The following EBF1 variants were observed in gnomAD, a reference collection of about 807,000 sequenced individuals.
EBF1 encodes EBF transcription factor 1, also known as transcription factor COE1.
EBF1 carries 10 observed loss-of-function variants against 68.4 expected under a neutral mutation model. That is an observed-to-expected ratio of 0.15 (90% CI 0.09 to 0.25). The LOEUF is 0.25. Ranked by LOEUF, EBF1 falls within the 10% of genes least tolerant of loss-of-function variation. The probability of loss-of-function intolerance (pLI) is 1.00; values close to 1 mark genes in which losing one functional copy is unlikely to be tolerated. For synonymous variants in EBF1, 298 were observed against 299.8 expected (o/e 0.99, Z 0.06); for missense variants, 509 against 794.4 (o/e 0.64, Z 4.32).
chr5:158,861,835 T>C (rs1562147100), intron 6 of EBF1, among the ~76,000 whole-genome samples: 1 of 146,020 alleles, frequency 6.8e-6, no homozygotes, highest in South Asian at 2.2e-4. Flanking sequence ...TAAAGGTTGA[T>C]TTATTGTAAA....
chr5:158,832,418 C>G (rs144451846), intron 7 of EBF1, among the ~76,000 whole-genome samples: 1 of 152,270 alleles, frequency 6.6e-6, no homozygotes, highest in African/African-American at 2.4e-5. Flanking sequence ...TGACTTAATC[C>G]TGTATTCTGA....
At chr5:159,054,163 G>A (rs1774320783) in intron 6 of EBF1, among the ~76,000 whole-genome samples, 1 of 152,132 alleles carries the variant, frequency 6.6e-6, no homozygotes, top group Non-Finnish European at 1.5e-5. Context: ...TAGAATTAAT[G>A]TTCTATACAT....
At chr5:159,043,327 C>G (rs1315197614) in intron 6 of EBF1, among the ~76,000 whole-genome samples, 1 of 152,156 alleles carries the variant, frequency 6.6e-6, no homozygotes, top group African/African-American at 2.4e-5. Context: ...TTTCCAGAAC[C>G]CTCAATAAGC....
intron 6 of EBF1, among the ~76,000 whole-genome samples, chr5:159,067,013 A>T (rs948486756): frequency 2.6e-5 from 4 of 152,184 alleles, no homozygotes; most frequent in Admixed American, 2.6e-4. Flanking sequence ...CCAAAATACC[A>T]TCTCTTTACG....
chr5:159,099,265 TGCCGC>T, intron 1 of EBF1, 75 bp downstream of exon 1: 1 of 15,930 alleles, frequency 6.3e-5, no homozygotes, highest in Non-Finnish European at 7.6e-5. Context: ...CGGCAGCAGC[TGCCGC>T]TGCCGCTGCC....
chr5:158,879,644 A>G (rs1207454003), intron 6 of EBF1, among the ~76,000 whole-genome samples: 1 of 152,206 alleles, frequency 6.6e-6, no homozygotes, highest in Non-Finnish European at 1.5e-5. Context: ...GCACACCAAC[A>G]TGGCACATGT....
intron 6 of EBF1, among the ~76,000 whole-genome samples, chr5:159,054,399 T>C (rs1477906194): frequency 6.6e-6 from 1 of 152,204 alleles, no homozygotes; most frequent in African/African-American, 2.4e-5. Context: ...GGTTGGATAA[T>C]TTAAAATTTA....
intron 8 of EBF1, among the ~76,000 whole-genome samples, chr5:158,809,460 A>G (rs1782193634): frequency 6.6e-6 from 1 of 152,192 alleles, no homozygotes; most frequent in African/African-American, 2.4e-5. Context: ...CCAAAGTCCC[A>G]TAAAATCTTA....
intron 7 of EBF1, among the ~76,000 whole-genome samples, chr5:158,835,527 G>T (rs191885344): frequency 3.3e-5 from 5 of 152,206 alleles, no homozygotes; most frequent in Admixed American, 3.3e-4. Context: ...GGCACCTTTA[G>T]GCTCTGCTAG....
At chr5:159,066,711 G>A (rs1200376000) in intron 6 of EBF1, among the ~76,000 whole-genome samples, 1 of 151,844 alleles carries the variant, frequency 6.6e-6, no homozygotes, top group Non-Finnish European at 1.5e-5. Flanking sequence ...AATAAGTACT[G>A]TAACGTTAAA....
At chr5:158,701,500 T>A (rs1417536035) in intron 15 of EBF1, among the ~76,000 whole-genome samples, 1 of 152,178 alleles carries the variant, frequency 6.6e-6, no homozygotes, top group African/African-American at 2.4e-5. Flanking sequence ...TTAACAGCGC[T>A]TTTTATTTTG....
intron 6 of EBF1, among the ~76,000 whole-genome samples, chr5:159,003,326 T>C (rs954343390): frequency 2.0e-5 from 3 of 152,214 alleles, no homozygotes; most frequent in African/African-American, 7.2e-5. Context: ...GGGCATTCTG[T>C]TCCTGTACAG....
At chr5:158,973,289 A>T (rs564959330) in intron 6 of EBF1, among the ~76,000 whole-genome samples, 5 of 152,130 alleles carry the variant, frequency 3.3e-5, no homozygotes, top group African/African-American at 1.2e-4. Context: ...CACCCTCTTG[A>T]TGCACCTTTT....
At chr5:158,894,394 G>GTAAA (rs368910700) in intron 6 of EBF1, among the ~76,000 whole-genome samples, 49,631 of 151,920 alleles carry the variant, frequency 0.33, 8,720 homozygotes, top group South Asian at 0.57. Context: ...AAAATAGAAG[G>GTAAA]CAGATAAATA....
chr5:158,753,803 T>A (rs1043371284), intron 10 of EBF1, among the ~76,000 whole-genome samples: 1 of 152,126 alleles, frequency 6.6e-6, no homozygotes, highest in Admixed American at 6.6e-5. Flanking sequence ...CCACCATAGC[T>A]TTCTCAAATT....
At chr5:159,081,805 C>A (rs1166600300) in intron 5 of EBF1, among the ~76,000 whole-genome samples, 1 of 152,186 alleles carries the variant, frequency 6.6e-6, no homozygotes, top group Non-Finnish European at 1.5e-5. Context: ...TTAATCAAAT[C>A]TCTTCTAGAA....
intron 6 of EBF1, among the ~76,000 whole-genome samples, chr5:158,890,927 T>C (rs1424538528): frequency 6.6e-6 from 1 of 152,178 alleles, no homozygotes; most frequent in African/African-American, 2.4e-5. Context: ...TGGAAACTAT[T>C]TGTTTTCTTC....
At chr5:158,837,880 C>A (rs575967704) in intron 7 of EBF1, among the ~76,000 whole-genome samples, 1 of 152,198 alleles carries the variant, frequency 6.6e-6, no homozygotes, top group South Asian at 2.1e-4. Flanking sequence ...TGTTTCACGC[C>A]CAGCTATACT....
At chr5:158,833,604 G>A (rs571997319) in intron 7 of EBF1, among the ~76,000 whole-genome samples, 1 of 152,164 alleles carries the variant, frequency 6.6e-6, no homozygotes, top group African/African-American at 2.4e-5. Context: ...AAAGCACATG[G>A]CACCCTTCAT....
Sources: allele counts gnomAD v4.1 joint callset (sites outside exome capture counted in the v4.1 genomes callset), GRCh38; gene constraint gnomAD v4.1.1; transcripts MANE v1.5; gene names NCBI Gene and HGNC (gene_info 2026-07-23, HGNC 2026-07-21).